SULT4A1: variants seen among roughly 807,000 people sequenced by gnomAD.
SULT4A1 encodes sulfotransferase family 4A member 1.
In SULT4A1, 11 loss-of-function variants were observed where a neutral mutation model predicts 35.2. The observed-to-expected ratio is 0.31, with a 90% CI of 0.20 to 0.52. The LOEUF is 0.52. Among genes scored for constraint, SULT4A1 ranks in the 20% least tolerant of loss-of-function variants. The probability of loss-of-function intolerance (pLI) is 0.97; values close to 1 mark genes in which losing one functional copy is unlikely to be tolerated. For missense variants in SULT4A1, 271 were observed against 383.7 expected, an observed-to-expected ratio of 0.71 and a Z score of 2.45; for synonymous variants, 152 against 151.8, an observed-to-expected ratio of 1.00 and a Z score of -0.01.
chr22:43,839,070 C>T, intron 3 of SULT4A1, 77 bp from the exon 4 acceptor site: 1 of 1,571,028 alleles, frequency 6.4e-7, no homozygotes. Context: ...GGCCAGCCTC[C>T]CTGAACCTGC....
At chr22:43,830,706 T>C (rs750248351) in intron 5 of SULT4A1, among the ~76,000 whole-genome samples, 1 of 152,102 alleles carries the variant, frequency 6.6e-6, no homozygotes, top group Admixed American at 6.5e-5. Flanking sequence ...GAGGATGAAG[T>C]GGGAATATAC....
Position 43,848,406 on chromosome 22 carries a change from A to G in SULT4A1, c.170-6474T>C, listed in dbSNP as rs1219276710. 3.9e-5 allele frequency among the ~76,000 whole-genome samples: 6 copies of G among 152,346 alleles called. No homozygotes were observed. The East Asian group carries it at 9.6e-4, about 24-fold the overall frequency. On this transcript the variant is annotated intron_variant, in intron 1 of 6. Coordinates refer to ENST00000330884, the MANE Select transcript of SULT4A1 (RefSeq NM_014351.4). ...TCTCACAGCAAACCTGGCAACCCTC[A>G]TCCACAGCACAGGACCGGACCCTCC...
intron 1 of SULT4A1, among the ~76,000 whole-genome samples, chr22:43,858,931 A>G (rs1478070782): frequency 6.6e-6 from 1 of 152,132 alleles, no homozygotes; most frequent in Non-Finnish European, 1.5e-5. Context: ...CTCCTCCTCC[A>G]TGCAGTCTCC....
At chr22:43,855,592 T>C (rs911834834) in intron 1 of SULT4A1, among the ~76,000 whole-genome samples, 1 of 152,104 alleles carries the variant, frequency 6.6e-6, no homozygotes, top group Non-Finnish European at 1.5e-5. Context: ...CACCTCTCAA[T>C]GGGCCCTCCA....
intron 5 of SULT4A1, among the ~76,000 whole-genome samples, chr22:43,829,543 C>T (rs559675148): frequency 2.0e-5 from 3 of 152,316 alleles, no homozygotes; most frequent in Non-Finnish European, 4.4e-5. Context: ...ACCTAATGGG[C>T]TCCTCTTTCC....
chr22:43,848,655 G>A (rs1344145360), intron 1 of SULT4A1, among the ~76,000 whole-genome samples: 2 of 152,232 alleles, frequency 1.3e-5, no homozygotes, highest in Non-Finnish European at 2.9e-5. Context: ...GAGTCCTAGT[G>A]AGGCCTGTCA....
chr22:43,829,045 G>C lies in SULT4A1; in HGVS notation c.742+15C>G. ...GTGGGGAGTGCCTGGGCGGGAGGCA[G>C]GGTGGGGCACGTACCCCGGCCCACG... On this transcript the variant is annotated intron_variant, in intron 6 of 6. Transcript: ENST00000330884. 6.6e-7 allele frequency: 1 copy of C among 1,513,092 alleles called. No individual in the cohort carries two copies. 93.7% of individuals were successfully genotyped at this position (1,513,092 alleles called of 1,614,324 possible).
rs1472390119 is a variant in SULT4A1 at position 43,838,957 on chromosome 22, C to A, written c.418G>T (p.Val140Leu). Residue 140 changes from valine to leucine, a missense_variant, in exon 4 of 7, where the codon GTG becomes TTG. This residue lies in a region of SULT4A1 where 164 missense variants were observed against 254.1 expected (regional missense o/e 0.65). Coordinates refer to ENST00000330884, the MANE Select transcript of SULT4A1 (RefSeq NM_014351.4). ...YMARNPKDLVVSYYQFHRSLR... is the reference protein window; with the variant it reads ...YMARNPKDLVLSYYQFHRSLR... ...GAGCGGTGGAACTGATAATAAGACA[C>A]CACCAGATCCTTGGGGTTGCGAGCC... 6.2e-7 allele frequency: 1 copy of A among 1,614,068 alleles called. No individual in the cohort carries two copies. The highest frequency in any genetic ancestry group is 1.7e-5 in the Admixed American group (1 of 60,006).
intron 2 of SULT4A1, 83 bp from the exon 3 acceptor site, chr22:43,840,108 A>T: frequency 5.3e-6 from 4 of 750,872 alleles, no homozygotes; most frequent in African/African-American, 2.1e-5. Context: ...AGGGGGCCAG[A>T]GGAGGAAGGA....
At chr22:43,849,299 G>T (rs80628) in intron 1 of SULT4A1, among the ~76,000 whole-genome samples, 135,480 of 152,158 alleles carry the variant, frequency 0.89, 60,546 homozygotes, top group East Asian at 0.99. Context: ...GGCAGGGAAA[G>T]ATGGGGCAGA....
In SULT4A1 at chr22:43,830,562, C is replaced by T. The variant is rs936228509; in HGVS notation, c.604-1364G>A. On this transcript the variant is annotated intron_variant, in intron 5 of 6. Coordinates refer to ENST00000330884, the MANE Select transcript of SULT4A1 (RefSeq NM_014351.4). ...CCCCATCTGGAACTAGCGACAGGGC[C>T]GCAGCAAGAGGCCGCACACCACGGC... Among the ~76,000 whole-genome samples, 5 of 152,374 alleles carry T rather than the reference C, an allele frequency of 3.3e-5. No homozygotes were observed. The South Asian group carries it at 6.2e-4, about 19-fold the overall frequency.
rs192221592 is a variant in SULT4A1 at position 43,840,654 on chromosome 22, G to A, written c.301-629C>T. On this transcript the variant is annotated intron_variant, in intron 2 of 6. Transcript: ENST00000330884. ...TGGCGCTGGACCGCACAGCAACCTG[G>A]CCTGATGCGCTCACTGCTTCCACCT... Among the ~76,000 whole-genome samples, 312 of 152,284 alleles carry A rather than the reference G, an allele frequency of 2.0e-3. 2 individuals carry two copies. Among genetic ancestry groups the A allele is most frequent in the African/African-American group, 7.2e-3 (298 of 41,542 alleles).
intron 6 of SULT4A1, chr22:43,827,752 T>TCGC: frequency 2.2e-6 from 1 of 444,732 alleles, no homozygotes; most frequent in Non-Finnish European, 3.8e-6. Context: ...CGACGCTGCT[T>TCGC]CACCACACAC....
At position 43,862,415 on chromosome 22, in the gene SULT4A1, C is replaced by G; in HGVS notation, c.-33G>C. On this transcript the variant is annotated 5_prime_UTR_variant, in exon 1 of 7. Transcript: ENST00000330884. ...CCGTCGCCGTCGCCGCCGCCGCCTC[C>G]CGGCTCGCAGCCCGCACGCGCCCGC... 2 of 1,129,426 alleles carry G rather than the reference C, an allele frequency of 1.8e-6. No individual in the cohort carries two copies. Among genetic ancestry groups the G allele is most frequent in the Non-Finnish European group, 2.2e-6 (2 of 912,514 alleles). 70.0% of individuals were successfully genotyped at this position (1,129,426 alleles called of 1,614,324 possible). A position where few individuals can be genotyped will look rare whatever the true frequency, so the allele number is the denominator to read the frequency against.
chr22:43,854,565 AG>A (rs1336680385), intron 1 of SULT4A1, among the ~76,000 whole-genome samples: 3 of 152,140 alleles, frequency 2.0e-5, no homozygotes, highest in Non-Finnish European at 4.4e-5. Context: ...GCTGCCCTAG[AG>A]GTCACCTGCA....
At chr22:43,843,764 T>A (rs1374949657) in intron 1 of SULT4A1, among the ~76,000 whole-genome samples, 1 of 152,270 alleles carries the variant, frequency 6.6e-6, no homozygotes, top group Non-Finnish European at 1.5e-5. Flanking sequence ...CCTCTGGTAT[T>A]CATCAGAAGC....
chr22:43,828,968 A>G (rs2063306826), intron 6 of SULT4A1, 92 bp downstream of exon 6: 1 of 1,362,000 alleles, frequency 7.3e-7, no homozygotes, highest in Non-Finnish European at 9.8e-7. Flanking sequence ...AGGGAGGGCA[A>G]CAGGGACCGG....
At chr22:43,857,571 C>T (rs938565913) in intron 1 of SULT4A1, among the ~76,000 whole-genome samples, 8 of 152,056 alleles carry the variant, frequency 5.3e-5, no homozygotes, top group Admixed American at 2.0e-4. Context: ...AAGCATCAAA[C>T]CACAGATCCA....
chr22:43,862,191 G>T (rs760381552), intron 1 of SULT4A1, 23 bp downstream of exon 1: 20 of 1,490,080 alleles, frequency 1.3e-5, no homozygotes, highest in Middle Eastern at 2.0e-4. Flanking sequence ...TGGCGTGGCG[G>T]GCGCGGTCGG....
Sources: gnomAD v4.1 joint callset for allele counts (sites outside exome capture counted in the v4.1 genomes callset) on GRCh38, gnomAD v4.1.1 for gene constraint, gnomAD v4.1.1 regional missense constraint, MANE v1.5 for transcripts, NCBI Gene and HGNC (gene_info 2026-07-23, HGNC 2026-07-21) for gene names.